PTPRN2: variants seen among roughly 807,000 people sequenced by gnomAD.
PTPRN2 encodes the protein receptor-type tyrosine-protein phosphatase N2.
PTPRN2 carries 74 observed loss-of-function variants against 118.8 expected under a neutral mutation model. The observed-to-expected ratio is 0.62, with a 90% confidence interval of 0.52 to 0.76. PTPRN2 has a LOEUF of 0.76. Among genes scored for constraint, PTPRN2 ranks in the 30% least tolerant of loss-of-function variants. The pLI is 0.00. For missense variants in PTPRN2, 1,481 were observed against 1,394.4 expected, an observed-to-expected ratio of 1.06 and a Z score of -0.99; for synonymous variants, 641 against 608.0, an observed-to-expected ratio of 1.05 and a Z score of -0.80.
At chr7:157,847,023 A>G (rs1458218340) in intron 12 of PTPRN2, among the ~76,000 whole-genome samples, 1 of 94,522 alleles carries the variant, frequency 1.1e-5, no homozygotes, top group Non-Finnish European at 2.2e-5. Context: ...CTCCCTCACT[A>G]CATCATGTGT....
chr7:158,045,185 T>C (rs1354616747), intron 11 of PTPRN2, among the ~76,000 whole-genome samples: 2 of 152,200 alleles, frequency 1.3e-5, no homozygotes, highest in South Asian at 2.1e-4. Flanking sequence ...TAAAGAAAGT[T>C]GGTGGCTTTG....
At chr7:158,341,587 G>A (rs1586387889) in intron 2 of PTPRN2, among the ~76,000 whole-genome samples, 1 of 75,912 alleles carries the variant, frequency 1.3e-5, no homozygotes, top group African/African-American at 4.7e-5. Flanking sequence ...CATAAGAGGT[G>A]ACACCCGCAG....
In PTPRN2 at chr7:157,808,290, C is replaced by T. The variant is rs941955323; in HGVS notation, c.1788+90383G>A. 2.7e-5 allele frequency among the ~76,000 whole-genome samples: 4 copies of T among 150,664 alleles called. No individual in the cohort carries two copies. The East Asian group carries it at 7.8e-4, about 29-fold the overall frequency. On this transcript the variant is annotated intron_variant, in intron 12 of 22. Coordinates refer to ENST00000389418, the MANE Select transcript of PTPRN2 (RefSeq NM_002847.5). The surrounding 1 kb of genome is among the most constrained non-coding windows in gnomAD (Gnocchi z 5.0). ...GCGGGAGAGTGAGCTGTTGAGTGGCCGGTGAGTGGTGGGTGAGTGAGTACG... is the reference window on the plus strand; with the variant it reads ...GCGGGAGAGTGAGCTGTTGAGTGGCTGGTGAGTGGTGGGTGAGTGAGTACG...
At chr7:157,802,365 T>G (rs1477746162) in intron 12 of PTPRN2, among the ~76,000 whole-genome samples, 1 of 152,212 alleles carries the variant, frequency 6.6e-6, no homozygotes, top group East Asian at 1.9e-4. Context: ...TTGTTTCACT[T>G]CACGTCATGT....
chr7:157,803,786 T>TA (rs1218064237), intron 12 of PTPRN2, among the ~76,000 whole-genome samples: 1 of 152,168 alleles, frequency 6.6e-6, no homozygotes, highest in East Asian at 1.9e-4. Flanking sequence ...AGTCTGTTTT[T>TA]ATGCCAGTAG....
At chr7:158,211,509 G>T (rs1281045565) in intron 3 of PTPRN2, among the ~76,000 whole-genome samples, 1 of 152,152 alleles carries the variant, frequency 6.6e-6, no homozygotes, top group Non-Finnish European at 1.5e-5. Context: ...AAACAACTCT[G>T]TAGAAAAAAA....
At chr7:158,578,422 C>G (rs961557048) in intron 1 of PTPRN2, among the ~76,000 whole-genome samples, 4 of 150,960 alleles carry the variant, frequency 2.6e-5, no homozygotes, top group African/African-American at 9.7e-5. Context: ...GTAGTATCAG[C>G]TACTCAGGAG....
chr7:157,584,173 G>A (rs1399498327), intron 17 of PTPRN2, among the ~76,000 whole-genome samples: 2 of 152,168 alleles, frequency 1.3e-5, no homozygotes, highest in African/African-American at 4.8e-5. Flanking sequence ...TGAAACGCCA[G>A]GCCATTTTCT....
At chr7:158,125,435 G>A (rs1201003929) in intron 9 of PTPRN2, among the ~76,000 whole-genome samples, 2 of 151,968 alleles carry the variant, frequency 1.3e-5, no homozygotes, top group East Asian at 3.8e-4. Flanking sequence ...TGGACTGTCG[G>A]GGATGCTGAG....
At chr7:158,462,141 C>A (rs1192508016) in intron 2 of PTPRN2, among the ~76,000 whole-genome samples, 2 of 82,998 alleles carry the variant, frequency 2.4e-5, no homozygotes, top group African/African-American at 4.1e-5. Context: ...CATCTTGCCC[C>A]AGGCTTTGAT....
chr7:157,895,845 AACCTGCACACG>A (rs906986930), intron 12 of PTPRN2, among the ~76,000 whole-genome samples: 4 of 152,090 alleles, frequency 2.6e-5, no homozygotes, highest in African/African-American at 9.7e-5. Flanking sequence ...CCACCCCAGA[AACCTGCACACG>A]ACCCAGTGGT....
intron 1 of PTPRN2, among the ~76,000 whole-genome samples, chr7:158,584,304 C>T (rs1240070936): frequency 2.6e-5 from 4 of 152,066 alleles, no homozygotes; most frequent in Non-Finnish European, 5.9e-5. Context: ...TGAAGAACAG[C>T]GTAAAGCCCT....
Position 157,627,197 on chromosome 7 carries a change from G to T in PTPRN2, c.2197-5688C>A, listed in dbSNP as rs1424670785. 6.6e-6 allele frequency among the ~76,000 whole-genome samples: 1 copy of T among 152,050 alleles called. No homozygotes were observed. The highest frequency in any genetic ancestry group is 2.4e-5 in the African/African-American group (1 of 41,342). ...CACCTGCAGCTGGGTCTCCTCCGGG[G>T]CGTGAGCTCCTGGTGGTCAGGGACC... On this transcript the variant is annotated intron_variant, in intron 14 of 22. Coordinates refer to ENST00000389418, the MANE Select transcript of PTPRN2 (RefSeq NM_002847.5). The surrounding 1 kb of genome is among the most constrained non-coding windows in gnomAD (Gnocchi z 4.2).
At chr7:158,163,906 T>A (rs905543792) in intron 6 of PTPRN2, among the ~76,000 whole-genome samples, 12 of 152,280 alleles carry the variant, frequency 7.9e-5, no homozygotes, top group African/African-American at 2.7e-4. Context: ...TCTGTGTATT[T>A]CATAGGTGAT....
chr7:158,407,177 TGC>T lies in PTPRN2; in HGVS notation c.163+82556_163+82557del, dbSNP rs1563254352. 1.7e-4 allele frequency among the ~76,000 whole-genome samples: 13 copies of T among 78,076 alleles called. 1 individual carries two copies. The highest frequency in any genetic ancestry group is 9.4e-4 in the Admixed American group (6 of 6,358). The allele number at this position is 78,076 out of a possible 152,430, so 51.2% of individuals were successfully genotyped here. ...GTCCTGGGTCCTGGGTCCTGCGTCC[TGC>T]GTCCTGGGTCCTGGGTCCTGGGTCC... is the stretch of plus-strand genomic sequence containing the variant. On this transcript the variant is annotated intron_variant, in intron 2 of 22. Transcript: ENST00000389418.
At chr7:158,156,411 C>T (rs1219091349) in intron 6 of PTPRN2, among the ~76,000 whole-genome samples, 1 of 152,204 alleles carries the variant, frequency 6.6e-6, no homozygotes, top group Non-Finnish European at 1.5e-5. Context: ...GGTAACGCAG[C>T]TCACCGTGGA....
At chr7:158,247,710 G>A (rs776842671) in intron 3 of PTPRN2, among the ~76,000 whole-genome samples, 9 of 152,092 alleles carry the variant, frequency 5.9e-5, no homozygotes, top group East Asian at 1.9e-4. Flanking sequence ...TCCGCCTCCC[G>A]GGTTCAAGCG....
intron 3 of PTPRN2, among the ~76,000 whole-genome samples, chr7:158,273,819 GCATGGGGGAGCCGCAGA>G (rs1798725008): frequency 6.6e-5 from 4 of 60,968 alleles, no homozygotes; most frequent in East Asian, 1.0e-3. Context: ...GGAGCCGCAG[GCATGGGGGAGCCGCAGA>G]CACAGGGGGA....
At position 158,388,676 on chromosome 7, in the gene PTPRN2, G is replaced by A. The variant is rs116991597; in HGVS notation, c.164-71744C>T. ...ATGATGGATTAAATCACTGGCCATT[G>A]GTGATTAACCCCCCAAGAGTTGGGG... On this transcript the variant is annotated intron_variant, in intron 2 of 22. Coordinates refer to ENST00000389418, the MANE Select transcript of PTPRN2 (RefSeq NM_002847.5). 3.7e-3 allele frequency among the ~76,000 whole-genome samples: 566 copies of A among 152,216 alleles called. 12 individuals are homozygous for A. The highest frequency in any genetic ancestry group is 0.02 in the Middle Eastern group (6 of 294).
Sources: gnomAD v4.1 joint callset for allele counts (sites outside exome capture counted in the v4.1 genomes callset) on GRCh38, gnomAD v4.1.1 for gene constraint, Gnocchi (gnomAD v3.1) non-coding constraint, MANE v1.5 for transcripts, NCBI Gene and HGNC (gene_info 2026-07-23, HGNC 2026-07-21) for gene names.